ANKRD44: variants seen among roughly 807,000 people sequenced by gnomAD.
ANKRD44 encodes the protein ankyrin repeat domain 44, also known as serine/threonine-protein phosphatase 6 regulatory ankyrin repeat subunit B.
ANKRD44 carries 35 observed loss-of-function variants against 116.0 expected under a neutral mutation model. The observed-to-expected ratio is 0.30, with a 90% CI of 0.23 to 0.40. The LOEUF is 0.40. Among genes scored for constraint, ANKRD44 ranks in the 10% least tolerant of loss-of-function variants. ANKRD44 has a pLI of 1.00. For synonymous variants in ANKRD44, 435 were observed against 461.8 expected (o/e 0.94, Z 0.74); for missense variants, 1,014 against 1,242.6 (o/e 0.82, Z 2.77).
chr2:197,154,174 CTTTTTTTTTT>C (rs1034922629), intron 2 of ANKRD44, among the ~76,000 whole-genome samples: 1 of 106,842 alleles, frequency 9.4e-6, no homozygotes, highest in Non-Finnish European at 1.8e-5. Flanking sequence ...TATCGGCTTT[CTTTTTTTTTT>C]TTTTTTTTTT....
intron 10 of ANKRD44, among the ~76,000 whole-genome samples, chr2:197,094,705 G>A (rs1377863399): frequency 6.6e-6 from 1 of 152,176 alleles, no homozygotes; most frequent in Non-Finnish European, 1.5e-5. Context: ...AGAATAGGAT[G>A]ATTTTATGAT....
chr2:197,273,960 CAAAAAAAAAAAA>C (rs1158937486), intron 1 of ANKRD44, among the ~76,000 whole-genome samples: 3 of 9,352 alleles, frequency 3.2e-4, no homozygotes, highest in African/African-American at 8.4e-4. Flanking sequence ...CAACCAACCA[CAAAAAAAAAAAA>C]AAAAAAAAAT....
intron 16 of ANKRD44, among the ~76,000 whole-genome samples, chr2:197,076,260 T>A (rs2077663503): frequency 6.6e-6 from 1 of 152,178 alleles, no homozygotes; most frequent in Admixed American, 6.5e-5. Context: ...GGATGACCCC[T>A]GCGAAGACGG....
At chr2:197,200,840 G>A (rs908944178) in intron 1 of ANKRD44, among the ~76,000 whole-genome samples, 7 of 152,222 alleles carry the variant, frequency 4.6e-5, no homozygotes, top group African/African-American at 1.7e-4. Flanking sequence ...TACATCGACA[G>A]TCACTACAGT....
chr2:197,039,466 G>A (rs1005284724), intron 16 of ANKRD44, among the ~76,000 whole-genome samples: 13 of 152,136 alleles, frequency 8.5e-5, no homozygotes, highest in African/African-American at 2.2e-4. Context: ...GAGATACTTC[G>A]GCTACTCCCT....
At chr2:197,181,819 A>T (rs1256599334) in intron 2 of ANKRD44, among the ~76,000 whole-genome samples, 1 of 152,220 alleles carries the variant, frequency 6.6e-6, no homozygotes, top group African/African-American at 2.4e-5. Context: ...TATAGCTTAC[A>T]ACCACATGAC....
chr2:197,020,441 C>T (rs576988172), intron 17 of ANKRD44, among the ~76,000 whole-genome samples: 8 of 152,182 alleles, frequency 5.3e-5, no homozygotes, highest in African/African-American at 1.2e-4. Flanking sequence ...CCCTGGGCCA[C>T]GTTGGAAGAA....
At chr2:197,100,145 A>T (rs1231196170) in intron 9 of ANKRD44, among the ~76,000 whole-genome samples, 3 of 152,186 alleles carry the variant, frequency 2.0e-5, no homozygotes, top group Admixed American at 2.0e-4. Flanking sequence ...TCTATTAGAG[A>T]TGCTTTTGAG....
chr2:197,304,519 A>G (rs1195752435), intron 1 of ANKRD44, among the ~76,000 whole-genome samples: 1 of 152,180 alleles, frequency 6.6e-6, no homozygotes, highest in Non-Finnish European at 1.5e-5. Context: ...TTTGTAAGAA[A>G]TGCTATAACA....
intron 1 of ANKRD44, among the ~76,000 whole-genome samples, chr2:197,253,572 A>G (rs912960779): frequency 3.3e-5 from 5 of 152,234 alleles, no homozygotes; most frequent in Non-Finnish European, 7.3e-5. Context: ...ATATATATGT[A>G]GAATATACAT....
chr2:197,058,639 T>C (rs2077249478), intron 16 of ANKRD44, among the ~76,000 whole-genome samples: 1 of 152,320 alleles, frequency 6.6e-6, no homozygotes, highest in Middle Eastern at 3.4e-3. Flanking sequence ...TTGATATAAG[T>C]CTGAGGCCTA....
At chr2:197,171,301 C>T (rs1016554486) in intron 2 of ANKRD44, among the ~76,000 whole-genome samples, 2 of 152,126 alleles carry the variant, frequency 1.3e-5, no homozygotes, top group African/African-American at 4.8e-5. Flanking sequence ...GGATCTAATG[C>T]CACAGACCCT....
intron 22 of ANKRD44, among the ~76,000 whole-genome samples, chr2:197,001,543 T>A (rs1342138071): frequency 1.3e-5 from 2 of 152,232 alleles, no homozygotes; most frequent in Non-Finnish European, 2.9e-5. Context: ...GAGGGTGGCA[T>A]CTTTGCCACT....
chr2:196,985,286 T>G (rs1375166119), downstream of ANKRD44, among the ~76,000 whole-genome samples: 1 of 152,234 alleles, frequency 6.6e-6, no homozygotes, highest in Non-Finnish European at 1.5e-5. Flanking sequence ...CCAGCTAAAC[T>G]AGGGCTGACT....
intron 2 of ANKRD44, among the ~76,000 whole-genome samples, chr2:197,176,809 A>G (rs1181261911): frequency 6.6e-6 from 1 of 152,138 alleles, no homozygotes; most frequent in African/African-American, 2.4e-5. Flanking sequence ...ATAACCAGCT[A>G]TGCAACCTCC....
intron 6 of ANKRD44, among the ~76,000 whole-genome samples, chr2:197,124,264 T>C (rs2125334749): frequency 6.6e-6 from 1 of 152,296 alleles, no homozygotes; most frequent in South Asian, 2.1e-4. Context: ...ATTTATTTCA[T>C]CCCTGCCCCA....
At chr2:197,125,136 A>C (rs2078946012) in intron 6 of ANKRD44, among the ~76,000 whole-genome samples, 1 of 152,272 alleles carries the variant, frequency 6.6e-6, no homozygotes. Flanking sequence ...ACTGAAGCAC[A>C]TTCAAAGAGG....
intron 1 of ANKRD44, among the ~76,000 whole-genome samples, chr2:197,296,101 GA>G (rs760719507): frequency 3.0e-4 from 45 of 152,164 alleles, no homozygotes; most frequent in Non-Finnish European, 5.3e-4. Flanking sequence ...CAGTAATGAA[GA>G]AATGTCCTGC....
chr2:197,208,127 C>T lies in ANKRD44; in HGVS notation c.28-21021G>A, dbSNP rs150092549. 1.9e-3 allele frequency among the ~76,000 whole-genome samples: 293 copies of T among 152,274 alleles called. 2 individuals carry two copies. The highest frequency in any genetic ancestry group is 6.7e-3 in the African/African-American group (279 of 41,546). On this transcript the variant is annotated intron_variant, in intron 1 of 27. Coordinates refer to ENST00000282272, the MANE Select transcript of ANKRD44 (RefSeq NM_001195144.2). ...TCAAAGAGAGGTCTGAGATTTGTTA[C>T]GTATTTTAGACATCTTCTAAGTAAC...
Sources: gnomAD v4.1 joint callset for allele counts (sites outside exome capture counted in the v4.1 genomes callset) on GRCh38, gnomAD v4.1.1 for gene constraint, MANE v1.5 for transcripts, NCBI Gene and HGNC (gene_info 2026-07-23, HGNC 2026-07-21) for gene names.